Variants in ZFPM2 observed in about 807,000 individuals in gnomAD.
ZFPM2 encodes zinc finger protein, FOG family member 2, also known as zinc finger protein ZFPM2.
ZFPM2 carries 20 observed loss-of-function variants against 98.6 expected under a neutral mutation model. That is an observed-to-expected ratio of 0.20 (90% CI 0.14 to 0.29). The LOEUF (loss-of-function observed/expected upper bound fraction) is 0.29, where lower values mean the gene tolerates loss of function less well. ZFPM2 is among the 10% of genes least tolerant of loss of function. The probability of loss-of-function intolerance (pLI) is 1.00; values close to 1 mark genes in which losing one functional copy is unlikely to be tolerated. For synonymous variants in ZFPM2, 518 were observed against 502.7 expected, an observed-to-expected ratio of 1.03 and a Z score of -0.41; for missense variants, 1,310 against 1,388.6, an observed-to-expected ratio of 0.94 and a Z score of 0.90.
At chr8:105,543,125 G>C (rs1374589158) in intron 3 of ZFPM2, among the ~76,000 whole-genome samples, 4 of 152,120 alleles carry the variant, frequency 2.6e-5, no homozygotes, top group Non-Finnish European at 5.9e-5. Flanking sequence ...TCCATGATGA[G>C]AAGTTAAATT....
intron 5 of ZFPM2, among the ~76,000 whole-genome samples, chr8:105,686,206 C>T (rs145835911): frequency 2.4e-4 from 36 of 152,172 alleles, no homozygotes; most frequent in Middle Eastern, 6.8e-3. Flanking sequence ...TAGATGTGTC[C>T]GTTTTCCATT....
At chr8:105,713,661 C>G (rs944831963) in intron 5 of ZFPM2, among the ~76,000 whole-genome samples, 1 of 151,828 alleles carries the variant, frequency 6.6e-6, no homozygotes, top group Non-Finnish European at 1.5e-5. Flanking sequence ...GAGAGGTAGG[C>G]ATCCAGGCTG....
At chr8:105,756,337 A>G (rs950828606) in intron 5 of ZFPM2, among the ~76,000 whole-genome samples, 1 of 152,210 alleles carries the variant, frequency 6.6e-6, no homozygotes, top group Non-Finnish European at 1.5e-5. Context: ...GGCGAAATGT[A>G]GGTGGCTCTA....
intron 1 of ZFPM2, among the ~76,000 whole-genome samples, chr8:105,391,386 G>C (rs1228450691): frequency 6.6e-6 from 1 of 152,172 alleles, no homozygotes; most frequent in African/African-American, 2.4e-5. Flanking sequence ...TGATCAGGGT[G>C]GTGGCTGCTG....
chr8:105,777,573 C>G (rs563038500), intron 5 of ZFPM2, among the ~76,000 whole-genome samples: 5 of 152,092 alleles, frequency 3.3e-5, no homozygotes, highest in Admixed American at 3.3e-4. Flanking sequence ...AAGTTGAATG[C>G]CCCCAAATGC....
intron 5 of ZFPM2, among the ~76,000 whole-genome samples, chr8:105,703,556 G>T (rs1811189815): frequency 6.6e-6 from 1 of 152,072 alleles, no homozygotes; most frequent in South Asian, 2.1e-4. Flanking sequence ...GAAATGGGCA[G>T]AATCTCAGTG....
chr8:105,489,872 T>G (rs1449175126), intron 3 of ZFPM2, among the ~76,000 whole-genome samples: 7 of 152,196 alleles, frequency 4.6e-5, no homozygotes, highest in African/African-American at 1.7e-4. Context: ...CAAATCAAGC[T>G]TCTGAAGATT....
intron 5 of ZFPM2, among the ~76,000 whole-genome samples, chr8:105,766,008 ACAGT>A (rs1439721706): frequency 2.0e-5 from 3 of 151,920 alleles, no homozygotes; most frequent in African/African-American, 4.8e-5. Flanking sequence ...GAATGTGAAA[ACAGT>A]CAGTGATTTA....
chr8:105,617,185 T>C (rs1816438853), intron 4 of ZFPM2, among the ~76,000 whole-genome samples: 1 of 152,084 alleles, frequency 6.6e-6, no homozygotes, highest in Non-Finnish European at 1.5e-5. Flanking sequence ...AAGCATTTTG[T>C]GAGTATGCCA....
chr8:105,472,228 C>T (rs548466723), intron 3 of ZFPM2, among the ~76,000 whole-genome samples: 6 of 152,250 alleles, frequency 3.9e-5, no homozygotes, highest in African/African-American at 7.2e-5. Flanking sequence ...GCAGAGTTAT[C>T]CCTCTCATTA....
intron 5 of ZFPM2, among the ~76,000 whole-genome samples, chr8:105,714,602 A>G (rs1353650279): frequency 2.0e-5 from 3 of 152,002 alleles, no homozygotes; most frequent in African/African-American, 4.8e-5. Flanking sequence ...ACACTTTACT[A>G]TTATCTATGC....
At chr8:105,403,930 C>T (rs1365182695) in intron 1 of ZFPM2, among the ~76,000 whole-genome samples, 1 of 151,724 alleles carries the variant, frequency 6.6e-6, no homozygotes, top group Non-Finnish European at 1.5e-5. Context: ...GCAAACGGAA[C>T]AAAATTGCCA....
At chr8:105,427,924 TCAGA>T (rs1244477264) in intron 2 of ZFPM2, among the ~76,000 whole-genome samples, 6 of 152,186 alleles carry the variant, frequency 3.9e-5, no homozygotes, top group African/African-American at 1.4e-4. Flanking sequence ...CTCCCAAAAG[TCAGA>T]CATCTTCCTG....
chr8:105,574,471 T>C (rs1268651445), intron 4 of ZFPM2, among the ~76,000 whole-genome samples: 1 of 152,202 alleles, frequency 6.6e-6, no homozygotes, highest in African/African-American at 2.4e-5. Context: ...AAAAGTAATT[T>C]ACCCTGTCTG....
At chr8:105,542,855 G>A (rs1814609518) in intron 3 of ZFPM2, among the ~76,000 whole-genome samples, 1 of 152,082 alleles carries the variant, frequency 6.6e-6, no homozygotes, top group Non-Finnish European at 1.5e-5. Flanking sequence ...TGACATTTAT[G>A]CCATATACCT....
In ZFPM2 at chr8:105,581,327, T is replaced by C. The variant is rs78782306; in HGVS notation, c.420+19846T>C. ...CCAAAGAATGAATGAATCAATGTGATACGTGGGTCCTAAATTTGCAAGTTG... is the reference window on the plus strand; with the variant it reads ...CCAAAGAATGAATGAATCAATGTGACACGTGGGTCCTAAATTTGCAAGTTG... On this transcript the variant is annotated intron_variant, in intron 4 of 7. Coordinates refer to ENST00000407775, the MANE Select transcript of ZFPM2 (RefSeq NM_012082.4). Among the ~76,000 whole-genome samples, 464 of 152,294 alleles carry C rather than the reference T, an allele frequency of 3.0e-3. 2 individuals are homozygous for C. The highest frequency in any genetic ancestry group is 0.011 in the African/African-American group (442 of 41,568).
chr8:105,759,172 T>C (rs1227050502), intron 5 of ZFPM2, among the ~76,000 whole-genome samples: 3 of 152,126 alleles, frequency 2.0e-5, no homozygotes, highest in Non-Finnish European at 2.9e-5. Flanking sequence ...ATGACATTAT[T>C]ACTTTATCTC....
At chr8:105,436,246 G>A (rs939886319) in intron 2 of ZFPM2, among the ~76,000 whole-genome samples, 14 of 152,162 alleles carry the variant, frequency 9.2e-5, no homozygotes, top group African/African-American at 2.4e-4. Flanking sequence ...GTGCCTGGGC[G>A]CGGTGGCTCA....
intron 3 of ZFPM2, among the ~76,000 whole-genome samples, chr8:105,516,181 C>T (rs1186082885): frequency 2.0e-5 from 3 of 152,090 alleles, no homozygotes; most frequent in African/African-American, 4.8e-5. Context: ...CTGCCTCGGC[C>T]TTCTAAAGTG....
Sources: allele counts gnomAD v4.1 joint callset (sites outside exome capture counted in the v4.1 genomes callset), GRCh38; gene constraint gnomAD v4.1.1; transcripts MANE v1.5; gene names NCBI Gene and HGNC (gene_info 2026-07-23, HGNC 2026-07-21).